The following SLC35F4 variants were observed in gnomAD, a reference collection of about 807,000 sequenced individuals.
SLC35F4 encodes the protein solute carrier family 35 member F4.
Under a neutral mutation model 44.2 loss-of-function variants are expected in SLC35F4, and 24 were observed. The ratio of observed to expected loss-of-function variants is 0.54; its 90% CI spans 0.39 to 0.76. The LOEUF is 0.76. Among genes scored for constraint, SLC35F4 ranks in the 30% least tolerant of loss-of-function variants. The pLI is 0.00. For missense variants in SLC35F4, 562 were observed against 586.1 expected, an observed-to-expected ratio of 0.96 and a Z score of 0.42; for synonymous variants, 238 against 223.6, an observed-to-expected ratio of 1.06 and a Z score of -0.57.
Position 57,727,591 on chromosome 14 carries a change from T to C in SLC35F4, c.104-133467A>G, listed in dbSNP as rs528917161. 2.0e-5 allele frequency among the ~76,000 whole-genome samples: 3 copies of C among 152,292 alleles called. 1 individual carries two copies. The highest frequency in any genetic ancestry group is 7.2e-5 in the African/African-American group (3 of 41,576). On this transcript the variant is annotated intron_variant, in intron 1 of 7. Coordinates refer to ENST00000556826, the MANE Select transcript of SLC35F4 (RefSeq NM_001306087.2). The stretch of plus-strand genomic sequence containing the variant: ...CCCATAGGTTTTGGTATGTGGTGTT[T>C]CCATTATCATTTGTTTCAACACAAT...
Position 57,581,223 on chromosome 14 carries a change from C to T in SLC35F4, c.798G>A (p.Met266Ile). 6.3e-7 allele frequency: 1 copy of T among 1,576,052 alleles called. No individual in the cohort carries two copies. The highest frequency in any genetic ancestry group is 2.3e-5 in the East Asian group (1 of 44,430). Residue 266 changes from methionine to isoleucine, a missense_variant, in exon 4 of 8, where the codon ATG (methionine) becomes ATA (isoleucine). Physicochemically the swap from Met to Ile is conservative, Grantham distance 10. Transcript: ENST00000556826. ...LSWIVLKDRFMGVRIVAAIMA... is the reference protein window; with the variant it reads ...LSWIVLKDRFIGVRIVAAIMA... ...TCAAGTATGCCATTACCCTCACTCC[C>T]ATGAACCTGTCTTTCAGCACAATCC...
chr14:57,653,757 G>C (rs1165350453), intron 1 of SLC35F4, among the ~76,000 whole-genome samples: 2 of 152,166 alleles, frequency 1.3e-5, no homozygotes, highest in African/African-American at 4.8e-5. Context: ...GCCTTATCAG[G>C]GCTGGAGTCT....
chr14:57,564,514 A>G (rs1048872057), intron 7 of SLC35F4, 138 bp from the exon 8 acceptor site: 47 of 1,260,108 alleles, frequency 3.7e-5, no homozygotes, highest in Non-Finnish European at 4.9e-5. Context: ...CTTTTTCCAC[A>G]TTGCTAGGTT....
At chr14:57,795,216 G>A (rs1166049982) in intron 1 of SLC35F4, among the ~76,000 whole-genome samples, 2 of 152,114 alleles carry the variant, frequency 1.3e-5, no homozygotes, top group Non-Finnish European at 2.9e-5. Context: ...TACAGACAAA[G>A]CAGAATATTT....
intron 1 of SLC35F4, among the ~76,000 whole-genome samples, chr14:57,909,969 A>C (rs1185975622): frequency 6.6e-6 from 1 of 152,138 alleles, no homozygotes; most frequent in African/African-American, 2.4e-5. Context: ...TGGTGTTATC[A>C]GTGCTTTGGA....
At chr14:57,924,966 G>T (rs6573180) in intron 1 of SLC35F4, among the ~76,000 whole-genome samples, 14,473 of 151,680 alleles carry the variant, frequency 0.095, 1,800 homozygotes, top group East Asian at 0.4. Flanking sequence ...ATGTTGCCCC[G>T]GCTGGTCTTG....
intron 3 of SLC35F4, among the ~76,000 whole-genome samples, chr14:57,584,922 GA>G (rs1470343675): frequency 2.0e-5 from 3 of 152,098 alleles, no homozygotes; most frequent in Admixed American, 6.5e-5. Flanking sequence ...CTTCAAACAG[GA>G]ACAACTGTAG....
At chr14:57,723,520 G>C (rs1407278276) in intron 1 of SLC35F4, among the ~76,000 whole-genome samples, 3 of 152,230 alleles carry the variant, frequency 2.0e-5, no homozygotes, top group Non-Finnish European at 4.4e-5. Context: ...GTTATCGTAG[G>C]CTTAACCAAG....
chr14:57,704,858 G>A (rs2075630678), intron 1 of SLC35F4, among the ~76,000 whole-genome samples: 1 of 152,104 alleles, frequency 6.6e-6, no homozygotes, highest in Non-Finnish European at 1.5e-5. Flanking sequence ...GCAATACTCA[G>A]GCAGAAGCTC....
At chr14:57,655,264 T>A (rs1196963728) in intron 1 of SLC35F4, among the ~76,000 whole-genome samples, 1 of 152,110 alleles carries the variant, frequency 6.6e-6, no homozygotes, top group African/African-American at 2.4e-5. Flanking sequence ...TAGAAGTTCA[T>A]GACATTCACC....
At chr14:57,767,011 T>C (rs986190542) in intron 1 of SLC35F4, among the ~76,000 whole-genome samples, 1 of 152,174 alleles carries the variant, frequency 6.6e-6, no homozygotes, top group Non-Finnish European at 1.5e-5. Context: ...TACTTAATAA[T>C]AGAAGGATCA....
intron 1 of SLC35F4, among the ~76,000 whole-genome samples, chr14:57,918,053 G>C (rs1889364751): frequency 6.6e-6 from 1 of 152,206 alleles, no homozygotes; most frequent in Non-Finnish European, 1.5e-5. Context: ...CTCAGCAGTT[G>C]AGGATCTGGT....
chr14:57,954,949 A>T (rs1890209441), intron 1 of SLC35F4, among the ~76,000 whole-genome samples: 1 of 39,818 alleles, frequency 2.5e-5, no homozygotes, highest in South Asian at 7.2e-4. Context: ...CATCCTGATT[A>T]AAAAAAAAAA....
rs11845934 is a variant in SLC35F4 at position 57,958,918 on chromosome 14, C to T, written n.282+22995G>A. ...ACAAAAGTTAGACATCGTCAGAATC[C>T]CTTCCAAATGCTCTGGAGGAGAGTG... is the stretch of plus-strand genomic sequence containing the variant. On this transcript the variant is annotated intron_variant and non_coding_transcript_variant, in intron 1 of 1. Transcript: ENST00000556568. 3.5e-3 allele frequency among the ~76,000 whole-genome samples: 536 copies of T among 152,302 alleles called. 3 individuals are homozygous for T. Among genetic ancestry groups the T allele is most frequent in the African/African-American group, 0.012 (507 of 41,558 alleles).
intron 1 of SLC35F4, among the ~76,000 whole-genome samples, chr14:57,794,405 C>T (rs536115255): frequency 6.6e-6 from 1 of 152,032 alleles, no homozygotes; most frequent in South Asian, 2.1e-4. Flanking sequence ...ACATTTCTCA[C>T]AAGAAGATAT....
At chr14:57,807,295 G>A (rs1370365635) in intron 1 of SLC35F4, among the ~76,000 whole-genome samples, 1 of 149,374 alleles carries the variant, frequency 6.7e-6, no homozygotes, top group Non-Finnish European at 1.5e-5. Flanking sequence ...CCTCCTGGAG[G>A]GGAATTCTGC....
chr14:57,888,280 T>A (rs1888693466), intron 1 of SLC35F4, among the ~76,000 whole-genome samples: 1 of 152,176 alleles, frequency 6.6e-6, no homozygotes, highest in Non-Finnish European at 1.5e-5. Flanking sequence ...AGGTATTTCA[T>A]AAAACCCACA....
At chr14:57,616,603 C>T (rs182444027) in intron 1 of SLC35F4, among the ~76,000 whole-genome samples, 1 of 152,272 alleles carries the variant, frequency 6.6e-6, no homozygotes, top group Admixed American at 6.5e-5. Context: ...TTGGGTCTTC[C>T]CAGCGCATTT....
intron 1 of SLC35F4, among the ~76,000 whole-genome samples, chr14:57,620,086 G>C (rs1270409484): frequency 6.6e-6 from 1 of 152,102 alleles, no homozygotes; most frequent in Non-Finnish European, 1.5e-5. Flanking sequence ...TGAAAGTTAC[G>C]GGGAGAATGG....
Sources: allele counts gnomAD v4.1 joint callset (sites outside exome capture counted in the v4.1 genomes callset), GRCh38; gene constraint gnomAD v4.1.1; transcripts MANE v1.5; gene names NCBI Gene and HGNC (gene_info 2026-07-23, HGNC 2026-07-21).